The following TDRP variants were observed in gnomAD, a reference collection of about 807,000 sequenced individuals.
TDRP encodes the protein testis development related protein.
Under a neutral mutation model 10.5 loss-of-function variants are expected in TDRP, and 12 were observed. The ratio of observed to expected loss-of-function variants is 1.15; its 90% CI spans 0.73 to 1.86. The LOEUF is 1.86. TDRP is among the 40% of genes most tolerant of loss of function. The pLI is 0.00. For synonymous variants in TDRP, 139 were observed against 95.4 expected (o/e 1.46, Z -2.67); for missense variants, 353 against 229.2 (o/e 1.54, Z -3.49).
At position 520,948 on chromosome 8, in the gene TDRP, A is replaced by G. The variant is rs1248431251; in HGVS notation, c.108+23702T>C. ...AAGTCTTAAATTTTGATATGCTTCAATTTGTCTATTTTTGCTTTTTCCTGT... is the reference window on the plus strand; with the variant it reads ...AAGTCTTAAATTTTGATATGCTTCAGTTTGTCTATTTTTGCTTTTTCCTGT... On this transcript the variant is annotated intron_variant, in intron 1 of 2. Coordinates refer to ENST00000324079, the MANE Select transcript of TDRP (RefSeq NM_001384899.1). Among the ~76,000 whole-genome samples the G allele has an allele frequency of 2.0e-5, 3 of 152,012 alleles. 1 individual carries two copies. In the South Asian group the frequency reaches 6.2e-4, roughly 32 times the overall value.
intron 1 of TDRP, among the ~76,000 whole-genome samples, chr8:501,791 TA>T (rs1378638342): frequency 1.3e-5 from 2 of 152,180 alleles, no homozygotes; most frequent in Non-Finnish European, 2.9e-5. Flanking sequence ...TGGGACTCAG[TA>T]CAGACGGTTT....
At chr8:501,850 G>C (rs13262152) in intron 1 of TDRP, among the ~76,000 whole-genome samples, 62,316 of 152,034 alleles carry the variant, frequency 0.41, 13,173 homozygotes, top group African/African-American at 0.52. Flanking sequence ...CATGGGCCCA[G>C]AAATACAGCT....
Position 489,992 on chromosome 8 carries a change from G to T in TDRP, c.*2407C>A, listed in dbSNP as rs1410588759. The T allele has an allele frequency of 6.6e-6, 1 of 152,052 alleles. No homozygotes were observed. Among genetic ancestry groups the T allele is most frequent in the African/African-American group, 2.4e-5 (1 of 41,386 alleles). The allele number at this position is 152,052 out of a possible 1,614,324, so 9.4% of individuals were successfully genotyped here. A position where few individuals can be genotyped will look rare whatever the true frequency, so the allele number is the denominator to read the frequency against. The stretch of plus-strand genomic sequence containing the variant: ...ATTTTTAAAAAACCTCAACATTAAG[G>T]AGGAACCCTTCTCTGAAGCACATCA... On this transcript the variant is annotated 3_prime_UTR_variant, in exon 3 of 3. Coordinates refer to ENST00000324079, the MANE Select transcript of TDRP (RefSeq NM_001384899.1).
intron 1 of TDRP, among the ~76,000 whole-genome samples, chr8:502,938 T>C (rs1801344638): frequency 6.6e-6 from 1 of 150,554 alleles, no homozygotes. Flanking sequence ...CAACATTGAA[T>C]CCAGAGCCAC....
intron 1 of TDRP, among the ~76,000 whole-genome samples, chr8:531,425 G>A (rs4735804): frequency 0.49 from 74,871 of 151,862 alleles, 19,307 homozygotes; most frequent in Admixed American, 0.59. Flanking sequence ...ATCTGAAGTG[G>A]GTGCAGTCTT....
intron 1 of TDRP, among the ~76,000 whole-genome samples, chr8:530,178 C>T (rs1345121385): frequency 2.0e-5 from 3 of 151,550 alleles, no homozygotes; most frequent in Non-Finnish European, 4.4e-5. Context: ...TTCTCAGATG[C>T]AGAATTTGTA....
Position 492,133 on chromosome 8 carries a change from A to G in TDRP, c.*266T>C, listed in dbSNP as rs893667174. ...CTGCTGTATTATGGGAGAGCATCAT[A>G]AATTCACATCTCCAGTTTCTGCAAA... is the stretch of plus-strand genomic sequence containing the variant. On this transcript the variant is annotated 3_prime_UTR_variant, in exon 3 of 3. Coordinates refer to ENST00000324079, the MANE Select transcript of TDRP (RefSeq NM_001384899.1). 1 of 1,242,340 alleles carries G rather than the reference A, an allele frequency of 8.0e-7. No homozygotes were observed. Among genetic ancestry groups the G allele is most frequent in the Non-Finnish European group, 1.0e-6 (1 of 994,252 alleles). 77.0% of individuals were successfully genotyped at this position (1,242,340 alleles called of 1,614,324 possible). A position where few individuals can be genotyped will look rare whatever the true frequency, so the allele number is the denominator to read the frequency against.
chr8:520,470 G>A (rs1336336384), intron 1 of TDRP, among the ~76,000 whole-genome samples: 1 of 152,106 alleles, frequency 6.6e-6, no homozygotes, highest in Non-Finnish European at 1.5e-5. Context: ...CACAGAAGTG[G>A]GATGGCTGAA....
intron 1 of TDRP, among the ~76,000 whole-genome samples, chr8:538,097 C>T (rs919113881): frequency 1.3e-5 from 2 of 152,310 alleles, no homozygotes; most frequent in Non-Finnish European, 2.9e-5. Flanking sequence ...AGACTCCAAT[C>T]AAGGCTATCT....
rs903066233 is a variant in TDRP at position 544,803 on chromosome 8, G to A, written c.-46C>T. 55 of 1,202,362 alleles carry A rather than the reference G, an allele frequency of 4.6e-5. No individual in the cohort carries two copies. The highest frequency in any genetic ancestry group is 5.6e-5 in the Non-Finnish European group (54 of 961,522). The allele number at this position is 1,202,362 out of a possible 1,614,324, so 74.5% of individuals were successfully genotyped here. On this transcript the variant is annotated 5_prime_UTR_variant, in exon 1 of 3. Transcript: ENST00000324079. The stretch of plus-strand genomic sequence containing the variant: ...CCCTCCGTCCGTGCGTCGGGCTGTG[G>A]CTCCGCGTCCCTCCCGGCCGCCGGA...
intron 1 of TDRP, among the ~76,000 whole-genome samples, chr8:518,832 T>C (rs1266850678): frequency 6.6e-6 from 1 of 152,170 alleles, no homozygotes; most frequent in Non-Finnish European, 1.5e-5. Context: ...TTCATACAAA[T>C]TTATTAACAA....
intron 1 of TDRP, among the ~76,000 whole-genome samples, chr8:543,134 C>T (rs1039374567): frequency 6.6e-6 from 1 of 151,946 alleles, no homozygotes; most frequent in Non-Finnish European, 1.5e-5. Flanking sequence ...ATAGCAAGAC[C>T]CCATTTCCAC....
At chr8:538,761 A>C (rs1198630241) in intron 1 of TDRP, among the ~76,000 whole-genome samples, 2 of 152,226 alleles carry the variant, frequency 1.3e-5, no homozygotes, top group African/African-American at 4.8e-5. Context: ...TGAACATCTA[A>C]GAAGCTATTG....
chr8:514,146 AAAG>A (rs2116795290), intron 1 of TDRP, among the ~76,000 whole-genome samples: 1 of 152,352 alleles, frequency 6.6e-6, no homozygotes, highest in Non-Finnish European at 1.5e-5. Context: ...TAATCTTGAA[AAAG>A]AAGATCAAAG....
chr8:492,366 C>G lies in TDRP; in HGVS notation c.*33G>C. 1.4e-6 allele frequency: 2 copies of G among 1,463,572 alleles called. No homozygotes were observed. Among genetic ancestry groups the G allele is most frequent in the Non-Finnish European group, 1.8e-6 (2 of 1,105,272 alleles). 90.7% of individuals were successfully genotyped at this position (1,463,572 alleles called of 1,614,324 possible). On this transcript the variant is annotated 3_prime_UTR_variant, in exon 3 of 3. Transcript: ENST00000324079. Reference sequence around the variant, plus strand: ...TACATGGTATACTCATAAAAGGCCACCATGTCGGGGCACACTTGCCACGCA... The same window carrying G: ...TACATGGTATACTCATAAAAGGCCAGCATGTCGGGGCACACTTGCCACGCA...
At chr8:514,170 C>G (rs540703811) in intron 1 of TDRP, among the ~76,000 whole-genome samples, 25 of 152,178 alleles carry the variant, frequency 1.6e-4, no homozygotes, top group Non-Finnish European at 2.6e-4. Context: ...TAAGAGAACT[C>G]ACACTTGCCA....
intron 1 of TDRP, among the ~76,000 whole-genome samples, chr8:522,932 T>G (rs1002197520): frequency 3.3e-5 from 5 of 152,238 alleles, no homozygotes; most frequent in Non-Finnish European, 7.3e-5. Flanking sequence ...AGTGAGTATC[T>G]TGTAGGTGGC....
intron 1 of TDRP, among the ~76,000 whole-genome samples, chr8:526,995 C>T (rs924486593): frequency 6.6e-6 from 1 of 152,162 alleles, no homozygotes; most frequent in African/African-American, 2.4e-5. Flanking sequence ...TGACTCATGT[C>T]TGTAATCCCA....
In TDRP at chr8:492,278, A is replaced by C; in HGVS notation, c.*121T>G. Reference sequence around the variant, plus strand: ...CATTAAATAAAGAAACAGAGGTCCAAATATCAAATATAGGCAAAAAGTAGA... The same window carrying C: ...CATTAAATAAAGAAACAGAGGTCCACATATCAAATATAGGCAAAAAGTAGA... On this transcript the variant is annotated 3_prime_UTR_variant, in exon 3 of 3. Transcript: ENST00000324079. 1 of 1,339,744 alleles carries C rather than the reference A, an allele frequency of 7.5e-7. No homozygotes were observed. Among genetic ancestry groups the C allele is most frequent in the Non-Finnish European group, 9.6e-7 (1 of 1,046,160 alleles). 83.0% of individuals were successfully genotyped at this position (1,339,744 alleles called of 1,614,324 possible).
Sources: allele counts gnomAD v4.1 joint callset (sites outside exome capture counted in the v4.1 genomes callset), GRCh38; gene constraint gnomAD v4.1.1; transcripts MANE v1.5; gene names NCBI Gene and HGNC (gene_info 2026-07-23, HGNC 2026-07-21).